The following ARHGAP15 variants were observed in gnomAD, a reference collection of about 807,000 sequenced individuals.
The protein encoded by ARHGAP15 is Rho GTPase activating protein 15, also known as rho GTPase-activating protein 15.
Under a neutral mutation model 63.7 loss-of-function variants are expected in ARHGAP15, and 51 were observed. The observed-to-expected ratio is 0.80, with a 90% CI of 0.64 to 1.01. ARHGAP15 has a LOEUF of 1.01. Ranked by LOEUF, ARHGAP15 falls within the 50% of genes least tolerant of loss-of-function variation. The pLI, the probability that ARHGAP15 is intolerant of heterozygous loss-of-function variation, is 0.00. For synonymous variants in ARHGAP15, 191 were observed against 193.8 expected (o/e 0.99, Z 0.12); for missense variants, 560 against 564.6 (o/e 0.99, Z 0.08).
At chr2:143,693,785 A>G (rs546830535) in intron 12 of ARHGAP15, among the ~76,000 whole-genome samples, 2 of 152,220 alleles carry the variant, frequency 1.3e-5, no homozygotes, top group Non-Finnish European at 2.9e-5. Context: ...CTTCTACTCC[A>G]TTATAACTTA....
At chr2:143,749,647 C>G (rs80051719) in intron 13 of ARHGAP15, among the ~76,000 whole-genome samples, 1 of 152,158 alleles carries the variant, frequency 6.6e-6, no homozygotes, top group Non-Finnish European at 1.5e-5. Flanking sequence ...TAAAAGCACA[C>G]AAATCATATG....
At chr2:143,579,914 T>C (rs1696826404) in intron 11 of ARHGAP15, among the ~76,000 whole-genome samples, 1 of 148,128 alleles carries the variant, frequency 6.8e-6, no homozygotes, top group Admixed American at 6.7e-5. Context: ...AGTTTTAGGG[T>C]ACATGTGCAC....
At chr2:143,244,544 C>CGTTGTGAAATGTGTTGTGAAATGT (rs1693975976) in intron 5 of ARHGAP15, among the ~76,000 whole-genome samples, 1 of 152,090 alleles carries the variant, frequency 6.6e-6, no homozygotes, top group Non-Finnish European at 1.5e-5. Flanking sequence ...AAATGTCTGG[C>CGTTGTGAAATGTGTTGTGAAATGT]GTTGTGAAAA....
chr2:143,244,380 T>C (rs557517638), intron 5 of ARHGAP15, among the ~76,000 whole-genome samples: 28 of 152,184 alleles, frequency 1.8e-4, no homozygotes, highest in South Asian at 6.2e-4. Context: ...AGTGACTACC[T>C]GCAGAGGGAA....
intron 5 of ARHGAP15, among the ~76,000 whole-genome samples, chr2:143,229,646 G>A (rs1173710480): frequency 6.6e-6 from 1 of 152,146 alleles, no homozygotes; most frequent in Non-Finnish European, 1.5e-5. Flanking sequence ...AAGGAAAGGG[G>A]TCGCCTGGCA....
At chr2:143,344,927 C>G (rs1415285281) in intron 6 of ARHGAP15, among the ~76,000 whole-genome samples, 2 of 152,094 alleles carry the variant, frequency 1.3e-5, no homozygotes, top group African/African-American at 4.8e-5. Flanking sequence ...CTGCAGGGCT[C>G]TTAAGCGGTC....
chr2:143,250,589 A>G lies in ARHGAP15; in HGVS notation c.463A>G (p.Asn155Asp), dbSNP rs774437379. ...GGCCAAGGAAAAATCGAGCAGAAAG[A>G]ATGTCTTTCAGGTAAGAATGTTACA... is the stretch of plus-strand genomic sequence containing the variant. ...EWAKEKSSRK[N>D]VFQITTVSGN... Residue 155 changes from asparagine to aspartate, a missense_variant, in exon 6 of 14, where the codon AAT (asparagine) becomes GAT (aspartate). Coordinates refer to ENST00000295095, the MANE Select transcript of ARHGAP15 (RefSeq NM_018460.4). The G allele has an allele frequency of 1.2e-6, 2 of 1,612,672 alleles. No homozygotes were observed. The highest frequency in any genetic ancestry group is 8.5e-7 in the Non-Finnish European group (1 of 1,178,888).
At chr2:143,485,301 A>G (rs1692275655) in intron 8 of ARHGAP15, among the ~76,000 whole-genome samples, 1 of 152,082 alleles carries the variant, frequency 6.6e-6, no homozygotes, top group African/African-American at 2.4e-5. Context: ...TCCATTCTTA[A>G]GAGCCCCATA....
At chr2:143,439,790 A>G (rs981124501) in intron 8 of ARHGAP15, among the ~76,000 whole-genome samples, 3 of 152,158 alleles carry the variant, frequency 2.0e-5, no homozygotes, top group Admixed American at 6.5e-5. Context: ...TAACAAAGTG[A>G]ACAAGTAAAA....
chr2:143,463,774 T>C (rs1004142462), intron 8 of ARHGAP15, among the ~76,000 whole-genome samples: 1 of 152,192 alleles, frequency 6.6e-6, no homozygotes, highest in Non-Finnish European at 1.5e-5. Context: ...TTAGAGACTT[T>C]AATTTCCTCT....
rs1356204181 is a variant in ARHGAP15, at chr2:143,665,872, G to A, written c.1139-37547G>A. On this transcript the variant is annotated intron_variant, in intron 12 of 13. Coordinates refer to ENST00000295095, the MANE Select transcript of ARHGAP15 (RefSeq NM_018460.4). ...AATCCAACTTACAAGGGATGTGAAG[G>A]ACCTCTTCAAGGAGAACTACAAACC... 8.2e-5 allele frequency among the ~76,000 whole-genome samples: 12 copies of A among 146,234 alleles called. No homozygotes were observed. In the East Asian group the frequency reaches 2.3e-3, roughly 28 times the overall value.
At chr2:143,698,530 G>C (rs1046746002) in intron 12 of ARHGAP15, among the ~76,000 whole-genome samples, 1 of 151,956 alleles carries the variant, frequency 6.6e-6, no homozygotes, top group South Asian at 2.1e-4. Context: ...ACAACAATGA[G>C]TTTGATGTAG....
At chr2:143,312,983 T>C (rs1313325677) in intron 6 of ARHGAP15, among the ~76,000 whole-genome samples, 1 of 152,164 alleles carries the variant, frequency 6.6e-6, no homozygotes, top group Non-Finnish European at 1.5e-5. Context: ...CTTTACACCA[T>C]GGTTGCACTG....
chr2:143,456,980 T>C (rs568753013), intron 8 of ARHGAP15, among the ~76,000 whole-genome samples: 46 of 152,116 alleles, frequency 3.0e-4, no homozygotes, highest in Non-Finnish European at 5.9e-4. Context: ...TAAACTAGCA[T>C]TTATTAATTT....
chr2:143,632,072 T>TGATA (rs1314080699), intron 12 of ARHGAP15, among the ~76,000 whole-genome samples: 12 of 152,130 alleles, frequency 7.9e-5, no homozygotes, highest in African/African-American at 2.7e-4. Flanking sequence ...TATGATGGTT[T>TGATA]GATACATGTA....
intron 6 of ARHGAP15, among the ~76,000 whole-genome samples, chr2:143,360,784 G>T (rs1574332007): frequency 6.6e-6 from 1 of 152,300 alleles, no homozygotes; most frequent in East Asian, 1.9e-4. Flanking sequence ...CAATACAGGT[G>T]ATATCTCCAA....
intron 6 of ARHGAP15, among the ~76,000 whole-genome samples, chr2:143,324,405 G>C (rs1450454547): frequency 6.6e-6 from 1 of 152,096 alleles, no homozygotes; most frequent in African/African-American, 2.4e-5. Context: ...AAAATGACTT[G>C]TATGTCTGTT....
intron 9 of ARHGAP15, among the ~76,000 whole-genome samples, chr2:143,504,962 C>T (rs1693239664): frequency 6.6e-6 from 1 of 152,204 alleles, no homozygotes; most frequent in African/African-American, 2.4e-5. Context: ...CCCACCCTGC[C>T]TGCATGGTGC....
intron 6 of ARHGAP15, among the ~76,000 whole-genome samples, chr2:143,354,360 A>C (rs1300512274): frequency 6.6e-6 from 1 of 152,164 alleles, no homozygotes; most frequent in African/African-American, 2.4e-5. Flanking sequence ...AGGATCCCTA[A>C]GAGCCCTAAA....
Sources: allele counts gnomAD v4.1 joint callset (sites outside exome capture counted in the v4.1 genomes callset), GRCh38; gene constraint gnomAD v4.1.1; transcripts MANE v1.5; gene names NCBI Gene and HGNC (gene_info 2026-07-23, HGNC 2026-07-21).